Variants in B3GALT1 observed in about 807,000 individuals in gnomAD.
B3GALT1 encodes UDP-Gal:betaGlcNAc beta 1,3-galactosyltransferase, polypeptide 1.
In B3GALT1, 10 loss-of-function variants were observed where a neutral mutation model predicts 23.2. The ratio of observed to expected loss-of-function variants is 0.43; its 90% CI spans 0.27 to 0.73. The LOEUF is 0.73. Among genes scored for constraint, B3GALT1 ranks in the 30% least tolerant of loss-of-function variants. The pLI is 0.21. For missense variants in B3GALT1, 299 were observed against 405.4 expected (o/e 0.74, Z 2.25); for synonymous variants, 156 against 141.5 (o/e 1.10, Z -0.73).
chr2:167,612,189 C>A (rs986440830), intron 2 of B3GALT1, among the ~76,000 whole-genome samples: 1 of 151,824 alleles, frequency 6.6e-6, no homozygotes, highest in Non-Finnish European at 1.5e-5. Flanking sequence ...TTACCAGTTT[C>A]TTTGAATGAT....
At chr2:167,385,057 G>A (rs910997333) in intron 1 of B3GALT1, among the ~76,000 whole-genome samples, 4 of 152,018 alleles carry the variant, frequency 2.6e-5, no homozygotes, top group Non-Finnish European at 5.9e-5. Context: ...CCACAGTCAG[G>A]TGCAGAGGAA....
intron 1 of B3GALT1, among the ~76,000 whole-genome samples, chr2:167,486,844 GGA>G (rs1015885881): frequency 6.6e-6 from 1 of 151,692 alleles, no homozygotes; most frequent in Non-Finnish European, 1.5e-5. Context: ...AGTGGGATTG[GGA>G]GAGTAGAAAT....
intron 1 of B3GALT1, among the ~76,000 whole-genome samples, chr2:167,392,654 G>A (rs115720051): frequency 0.011 from 1,631 of 152,154 alleles, 29 homozygotes; most frequent in African/African-American, 0.036. Flanking sequence ...AAGATTACTT[G>A]TCTAATAAAT....
At chr2:167,567,286 A>G (rs1378578352) in intron 2 of B3GALT1, among the ~76,000 whole-genome samples, 1 of 152,218 alleles carries the variant, frequency 6.6e-6, no homozygotes, top group Non-Finnish European at 1.5e-5. Context: ...ATACCTGATT[A>G]TATTTCAGAT....
chr2:167,330,664 T>C (rs1696959343), intron 1 of B3GALT1, among the ~76,000 whole-genome samples: 1 of 152,204 alleles, frequency 6.6e-6, no homozygotes, highest in East Asian at 1.9e-4. Flanking sequence ...CAATGAATTC[T>C]TCAGTTCCAG....
intron 3 of B3GALT1, among the ~76,000 whole-genome samples, chr2:167,734,619 A>T (rs1031847235): frequency 1.4e-4 from 21 of 152,198 alleles, no homozygotes; most frequent in African/African-American, 5.1e-4. Flanking sequence ...CTTGGCAGTC[A>T]CTTTTTTAAA....
intron 2 of B3GALT1, among the ~76,000 whole-genome samples, chr2:167,611,805 T>C (rs1431903): frequency 0.86 from 131,307 of 151,814 alleles, 57,111 homozygotes; most frequent in African/African-American, 0.96. Flanking sequence ...ACATTACTTT[T>C]GGCCTTAAGG....
At chr2:167,307,732 T>C (rs1466159106) in intron 1 of B3GALT1, among the ~76,000 whole-genome samples, 3 of 151,990 alleles carry the variant, frequency 2.0e-5, no homozygotes, top group Non-Finnish European at 4.4e-5. Flanking sequence ...CTGTACTGTT[T>C]AGGGATGTCT....
chr2:167,442,328 G>A (rs1172459421), intron 1 of B3GALT1, among the ~76,000 whole-genome samples: 2,615 of 152,080 alleles, frequency 0.017, 80 homozygotes, highest in African/African-American at 0.06. Context: ...GAATAATGCC[G>A]CAATAAACAT....
chr2:167,522,018 A>ATC (rs1286539084), intron 2 of B3GALT1, among the ~76,000 whole-genome samples: 1 of 147,180 alleles, frequency 6.8e-6, no homozygotes, highest in Non-Finnish European at 1.5e-5. Flanking sequence ...ACATATATAT[A>ATC]TAATTATATA....
rs1219284969 is a variant in B3GALT1, at chr2:167,394,120, CT to C, written c.-510-96055del. ...AGTATGTAGCAAAACACATTGCTGC[CT>C]TAGTGTATACCTTTTAACAATGAAA... On this transcript the variant is annotated intron_variant, in intron 1 of 4. Coordinates refer to ENST00000392690, the MANE Select transcript of B3GALT1 (RefSeq NM_020981.4). Among the ~76,000 whole-genome samples the C allele has an allele frequency of 2.6e-5, 4 of 152,204 alleles. No homozygotes were observed. In the East Asian group the frequency reaches 5.8e-4, roughly 22 times the overall value.
At chr2:167,683,430 A>G (rs1401992219) in intron 3 of B3GALT1, among the ~76,000 whole-genome samples, 2 of 152,224 alleles carry the variant, frequency 1.3e-5, no homozygotes, top group African/African-American at 2.4e-5. Context: ...CATAGCCCAG[A>G]TAAAACACAT....
chr2:167,431,751 C>G (rs1165625882), intron 1 of B3GALT1, among the ~76,000 whole-genome samples: 1 of 152,176 alleles, frequency 6.6e-6, no homozygotes, highest in African/African-American at 2.4e-5. Context: ...CCTGCTCTTT[C>G]AGACCACTTA....
At chr2:167,686,033 T>G (rs1284021204) in intron 3 of B3GALT1, among the ~76,000 whole-genome samples, 1 of 152,240 alleles carries the variant, frequency 6.6e-6, no homozygotes, top group Non-Finnish European at 1.5e-5. Context: ...ACTGTCAGTC[T>G]GTGAGCCTGG....
intron 1 of B3GALT1, among the ~76,000 whole-genome samples, chr2:167,423,705 T>G (rs188801464): frequency 1.3e-5 from 2 of 152,254 alleles, no homozygotes; most frequent in Admixed American, 1.3e-4. Context: ...CCCAGAAGAC[T>G]TGATTGCTAG....
At chr2:167,841,808 A>G (rs746979363) in intron 4 of B3GALT1, among the ~76,000 whole-genome samples, 4 of 152,244 alleles carry the variant, frequency 2.6e-5, no homozygotes, top group Non-Finnish European at 4.4e-5. Context: ...ATATTTGCCA[A>G]ATGAATATTT....
intron 2 of B3GALT1, among the ~76,000 whole-genome samples, chr2:167,616,869 AG>A (rs1558925797): frequency 6.6e-6 from 1 of 152,114 alleles, no homozygotes; most frequent in Non-Finnish European, 1.5e-5. Flanking sequence ...TTTTCTTGAT[AG>A]TACTTTGAAT....
intron 3 of B3GALT1, among the ~76,000 whole-genome samples, chr2:167,650,872 G>C (rs1685851434): frequency 6.6e-6 from 1 of 151,904 alleles, no homozygotes; most frequent in African/African-American, 2.4e-5. Flanking sequence ...AAATCTAAAT[G>C]GAAATATGCT....
chr2:167,670,027 A>G (rs148154368), intron 3 of B3GALT1, among the ~76,000 whole-genome samples: 434 of 152,332 alleles, frequency 2.8e-3, no homozygotes, highest in Non-Finnish European at 4.5e-3. Context: ...GAAAAATCTC[A>G]GAGGATACAT....
Sources: allele counts gnomAD v4.1 joint callset (sites outside exome capture counted in the v4.1 genomes callset), GRCh38; gene constraint gnomAD v4.1.1; transcripts MANE v1.5; gene names NCBI Gene and HGNC (gene_info 2026-07-23, HGNC 2026-07-21).